The following XKR4 variants were observed in gnomAD, a reference collection of about 807,000 sequenced individuals.
XKR4 encodes XK related 4.
Under a neutral mutation model 53.9 loss-of-function variants are expected in XKR4, and 12 were observed. That is an observed-to-expected ratio of 0.22 (90% CI 0.14 to 0.36). XKR4 has a LOEUF of 0.36. XKR4 is among the 10% of genes least tolerant of loss of function. XKR4 has a pLI of 1.00. For missense variants in XKR4, 799 were observed against 859.5 expected, an observed-to-expected ratio of 0.93 and a Z score of 0.88; for synonymous variants, 354 against 362.4, an observed-to-expected ratio of 0.98 and a Z score of 0.26.
chr8:55,208,717 A>G (rs4737938), intron 1 of XKR4, among the ~76,000 whole-genome samples: 117,694 of 151,850 alleles, frequency 0.78, 46,076 homozygotes, highest in African/African-American at 0.87. Flanking sequence ...TGCCTGCCTC[A>G]GCCTCCCAAA....
chr8:55,341,430 T>C (rs1304720138), intron 1 of XKR4, among the ~76,000 whole-genome samples: 1 of 152,182 alleles, frequency 6.6e-6, no homozygotes, highest in African/African-American at 2.4e-5. Context: ...ACCCTCAGGA[T>C]GTACCAGAGT....
At chr8:55,415,638 T>C (rs2129391777) in intron 2 of XKR4, among the ~76,000 whole-genome samples, 1 of 152,326 alleles carries the variant, frequency 6.6e-6, no homozygotes, top group South Asian at 2.1e-4. Context: ...GAAGCCACTG[T>C]TACAGAAGAA....
intron 1 of XKR4, among the ~76,000 whole-genome samples, chr8:55,191,887 C>CT (rs1451737986): frequency 1.3e-5 from 2 of 151,958 alleles, no homozygotes; most frequent in Non-Finnish European, 2.9e-5. Context: ...ATGCCAGCTA[C>CT]TTTTCTCCCT....
chr8:55,425,219 A>ACCTAGAGTAACTAAGATTCCAG (rs1804994725), intron 2 of XKR4, among the ~76,000 whole-genome samples: 1 of 152,172 alleles, frequency 6.6e-6, no homozygotes, highest in Admixed American at 6.5e-5. Context: ...GTTGGCTTAG[A>ACCTAGAGTAACTAAGATTCCAG]CCTAGAGTAA....
intron 1 of XKR4, among the ~76,000 whole-genome samples, chr8:55,108,997 T>G (rs777280885): frequency 1.3e-5 from 2 of 152,146 alleles, no homozygotes; most frequent in African/African-American, 4.8e-5. Context: ...CCCGAAAACT[T>G]GAGAGCTCCA....
At chr8:55,136,655 A>G (rs1222069454) in intron 1 of XKR4, among the ~76,000 whole-genome samples, 1 of 152,200 alleles carries the variant, frequency 6.6e-6, no homozygotes, top group East Asian at 1.9e-4. Flanking sequence ...CCTAATAACA[A>G]ATGAATTGTA....
chr8:55,450,643 C>T (rs1245640288), intron 2 of XKR4: 1 of 628,728 alleles, frequency 1.6e-6, no homozygotes, highest in African/African-American at 1.9e-5. Flanking sequence ...AGTCCAAGAA[C>T]TACAGGAAGA....
chr8:55,363,329 T>C (rs936693139), intron 2 of XKR4, among the ~76,000 whole-genome samples: 2 of 152,090 alleles, frequency 1.3e-5, no homozygotes, highest in Non-Finnish European at 2.9e-5. Flanking sequence ...AAAAAACTCC[T>C]TTTGCCAACA....
chr8:55,371,874 T>C, intron 2 of XKR4, among the ~76,000 whole-genome samples: 1 of 152,252 alleles, frequency 6.6e-6, no homozygotes, highest in Non-Finnish European at 1.5e-5. Flanking sequence ...TGAATAGCTT[T>C]GAAGTTGAAT....
chr8:55,265,427 C>A (rs1415858216), intron 1 of XKR4, among the ~76,000 whole-genome samples: 1 of 152,192 alleles, frequency 6.6e-6, no homozygotes. Flanking sequence ...TGAAAACGAA[C>A]CCATTCCAAA....
rs1215155785 is a variant in XKR4 at position 55,532,369 on chromosome 8, T to C, written c.*8142T>C. 1.3e-5 allele frequency: 2 copies of C among 152,124 alleles called. No individual in the cohort carries two copies. The highest frequency in any genetic ancestry group is 2.9e-5 in the Non-Finnish European group (2 of 68,004). 9.4% of individuals were successfully genotyped at this position (152,124 alleles called of 1,614,324 possible). ...TGATATAATATTTGCTAAGCAAAAA[T>C]CTTGTTTAACGAAAAAAATCAATAC... is the stretch of plus-strand genomic sequence containing the variant. On this transcript the variant is annotated 3_prime_UTR_variant, in exon 3 of 3. Coordinates refer to ENST00000327381, the MANE Select transcript of XKR4 (RefSeq NM_052898.2).
chr8:55,306,775 T>A (rs1819306951), intron 1 of XKR4, among the ~76,000 whole-genome samples: 1 of 152,190 alleles, frequency 6.6e-6, no homozygotes, highest in Admixed American at 6.5e-5. Context: ...TGGATTCATA[T>A]AAGTGCTCAA....
chr8:55,327,851 A>G lies in XKR4; in HGVS notation c.807-29827A>G, dbSNP rs151176416. 6.0e-3 allele frequency among the ~76,000 whole-genome samples: 917 copies of G among 152,364 alleles called. 11 individuals are homozygous for G. Among genetic ancestry groups the G allele is most frequent in the African/African-American group, 0.02 (843 of 41,582 alleles). On this transcript the variant is annotated intron_variant, in intron 1 of 2. Transcript: ENST00000327381. ...ATAAAGTCTGTCCAACCTTTCAACC[A>G]GAACAAATAAGATGCTAGTTGCCAA... is the stretch of plus-strand genomic sequence containing the variant.
chr8:55,290,291 G>T (rs1819001464), intron 1 of XKR4, among the ~76,000 whole-genome samples: 1 of 151,884 alleles, frequency 6.6e-6, no homozygotes, highest in African/African-American at 2.4e-5. Flanking sequence ...CACCACGACT[G>T]GCTAATTTTT....
intron 1 of XKR4, among the ~76,000 whole-genome samples, chr8:55,355,134 C>T (rs377731093): frequency 6.6e-6 from 1 of 151,750 alleles, no homozygotes; most frequent in Non-Finnish European, 1.5e-5. Flanking sequence ...GAACTCCTGA[C>T]CTCAGGTGGT....
chr8:55,453,333 C>A, intron 2 of XKR4: 2 of 476,674 alleles, frequency 4.2e-6, no homozygotes, highest in South Asian at 3.1e-5. Context: ...TGCTGGTGGT[C>A]CAGGACCACC....
intron 1 of XKR4, among the ~76,000 whole-genome samples, chr8:55,205,876 A>C (rs924543490): frequency 3.3e-4 from 50 of 152,206 alleles, no homozygotes; most frequent in African/African-American, 1.2e-3. Context: ...TAGGGTTCTT[A>C]AAGATGGTGT....
At chr8:55,109,666 A>G (rs1006633627) in intron 1 of XKR4, among the ~76,000 whole-genome samples, 30 of 152,186 alleles carry the variant, frequency 2.0e-4, no homozygotes, top group African/African-American at 6.5e-4. Flanking sequence ...AATTTTTTCC[A>G]TTCACTTGAA....
chr8:55,219,953 C>T (rs972804668), intron 1 of XKR4, among the ~76,000 whole-genome samples: 1 of 152,042 alleles, frequency 6.6e-6, no homozygotes, highest in African/African-American at 2.4e-5. Context: ...TTTTTATGGG[C>T]ACTAATCTGG....
Sources: allele counts gnomAD v4.1 joint callset (sites outside exome capture counted in the v4.1 genomes callset), GRCh38; gene constraint gnomAD v4.1.1; transcripts MANE v1.5; gene names NCBI Gene and HGNC (gene_info 2026-07-23, HGNC 2026-07-21).